The following SEM1 variants were observed in gnomAD, a reference collection of about 807,000 sequenced individuals.
SEM1 encodes the protein SEM1 26S proteasome subunit, also known as 26S proteasome complex subunit SEM1.
SEM1 carries 3 observed loss-of-function variants against 12.7 expected under a neutral mutation model. The observed-to-expected ratio is 0.24, with a 90% CI of 0.11 to 0.61. SEM1 has a LOEUF of 0.61. Ranked by LOEUF, SEM1 falls within the 20% of genes least tolerant of loss-of-function variation. The probability of loss-of-function intolerance (pLI) is 0.88; values close to 1 mark genes in which losing one functional copy is unlikely to be tolerated. For synonymous variants in SEM1, 30 were observed against 27.8 expected (o/e 1.08, Z -0.25); for missense variants, 59 against 81.3 (o/e 0.73, Z 1.06).
At chr7:96,514,460 A>T (rs986499257) in intron 2 of SEM1, among the ~76,000 whole-genome samples, 3 of 152,140 alleles carry the variant, frequency 2.0e-5, no homozygotes, top group Non-Finnish European at 4.4e-5. Flanking sequence ...TACAGATGGG[A>T]AAGAAGAAAT....
chr7:96,533,945 T>C (rs2115735451), intron 2 of SEM1, among the ~76,000 whole-genome samples: 1 of 152,102 alleles, frequency 6.6e-6, no homozygotes, highest in African/African-American at 2.4e-5. Context: ...GGTGAAGCAG[T>C]AAAATAATAT....
In SEM1 at chr7:96,574,778, C is replaced by T. The variant is rs1806152951; in HGVS notation, c.171-68080G>A. Among the ~76,000 whole-genome samples, 4 of 152,158 alleles carry T rather than the reference C, an allele frequency of 2.6e-5. No individual in the cohort carries two copies. The South Asian group carries it at 8.3e-4, about 32-fold the overall frequency. ...CAGCTATTGATATTTATGTATGCTT[C>T]ATGAAGTTCTCGTGCTGTGTTTTGC... is the stretch of plus-strand genomic sequence containing the variant. On this transcript the variant is annotated intron_variant and NMD_transcript_variant, in intron 2 of 3. Transcript: ENST00000466986.
rs539736546 is a variant in SEM1 at position 96,558,647 on chromosome 7, T to C, written c.171-51949A>G. ...GGGAGTTCACAAGGCAGAGAATAAA[T>C]ATGAAGTGAAAAGAGGGTAGAAACA... On this transcript the variant is annotated intron_variant and NMD_transcript_variant, in intron 2 of 3. Transcript: ENST00000466986. Among the ~76,000 whole-genome samples, 14 of 152,118 alleles carry C rather than the reference T, an allele frequency of 9.2e-5. 1 individual carries two copies. The South Asian group carries it at 2.7e-3, about 29-fold the overall frequency.
chr7:96,522,732 C>CCCT (rs566118443), intron 2 of SEM1, among the ~76,000 whole-genome samples: 57 of 129,574 alleles, frequency 4.4e-4, no homozygotes, highest in African/African-American at 1.6e-3. Context: ...ACCCCCCCCC[C>CCCT]AAAAAAAAAT....
chr7:96,598,441 G>A (rs779993412), intron 2 of SEM1, among the ~76,000 whole-genome samples: 4 of 151,272 alleles, frequency 2.6e-5, no homozygotes, highest in Non-Finnish European at 4.4e-5. Flanking sequence ...GCCCTACATG[G>A]CTTTGTCTCT....
chr7:96,626,950 C>A (rs148304356), intron 2 of SEM1, among the ~76,000 whole-genome samples: 150 of 152,122 alleles, frequency 9.9e-4, no homozygotes, highest in African/African-American at 3.3e-3. Flanking sequence ...TTTATTACAG[C>A]TTTGAATTCA....
chr7:96,582,793 A>C (rs58314581), intron 2 of SEM1, among the ~76,000 whole-genome samples: 13 of 145,230 alleles, frequency 9.0e-5, no homozygotes, highest in African/African-American at 3.3e-4. Flanking sequence ...ATGGTAGTTT[A>C]TATTTCTGTG....
chr7:96,551,663 C>T (rs1433959120), intron 2 of SEM1, among the ~76,000 whole-genome samples: 1 of 144,706 alleles, frequency 6.9e-6, no homozygotes, highest in Admixed American at 7.2e-5. Context: ...CAAGATAGCA[C>T]CACTACACTC....
At position 96,536,657 on chromosome 7, in the gene SEM1, A is replaced by C. The variant is rs184782636; in HGVS notation, c.171-29959T>G. Among the ~76,000 whole-genome samples the C allele has an allele frequency of 2.1e-3, 315 of 151,938 alleles. 8 individuals carry two copies. The highest frequency in any genetic ancestry group is 0.02 in the Admixed American group (311 of 15,200). ...TTCTTAGAGAACTGAATAATTTTTC[A>C]TGATGTAATGCTCCTCTTTGTCCCT... On this transcript the variant is annotated intron_variant and NMD_transcript_variant, in intron 2 of 3. Transcript: ENST00000466986.
intron 2 of SEM1, among the ~76,000 whole-genome samples, chr7:96,582,572 G>A (rs1411073379): frequency 1.3e-5 from 2 of 152,068 alleles, no homozygotes; most frequent in Non-Finnish European, 2.9e-5. Context: ...TGTACCTCTG[G>A]TAGAATTCGG....
At chr7:96,709,428 G>A (rs565526363) in intron 1 of SEM1, among the ~76,000 whole-genome samples, 2 of 152,292 alleles carry the variant, frequency 1.3e-5, no homozygotes, top group Non-Finnish European at 2.9e-5. Flanking sequence ...CACAGACGCG[G>A]GGCTATGGGT....
intron 2 of SEM1, chr7:96,622,844 C>T: frequency 1.9e-6 from 1 of 531,020 alleles, no homozygotes. Flanking sequence ...TAAATACAGA[C>T]ATTTCAAAAG....
intron 2 of SEM1, among the ~76,000 whole-genome samples, chr7:96,535,330 A>G (rs1164659013): frequency 6.6e-6 from 1 of 151,924 alleles, no homozygotes; most frequent in African/African-American, 2.4e-5. Flanking sequence ...TCCTTAAGGA[A>G]AAGACATATG....
chr7:96,487,926 C>A (rs2117208292), intron 1 of SEM1, among the ~76,000 whole-genome samples: 1 of 150,230 alleles, frequency 6.7e-6, no homozygotes, highest in East Asian at 1.9e-4. Context: ...CCAGTTGGGG[C>A]AACTCTGTAA....
chr7:96,706,606 A>C (rs1253009026), intron 1 of SEM1, among the ~76,000 whole-genome samples: 1 of 150,410 alleles, frequency 6.6e-6, no homozygotes, highest in South Asian at 2.1e-4. Flanking sequence ...GAGAGAGAGA[A>C]GAAACAATAA....
At chr7:96,619,694 G>A (rs568102488), downstream of SEM1, among the ~76,000 whole-genome samples, 20 of 151,978 alleles carry the variant, frequency 1.3e-4, no homozygotes, top group Admixed American at 8.5e-4. Flanking sequence ...AGCAACCACC[G>A]GGACCCAAGC....
chr7:96,623,705 T>C (rs910618502), intron 2 of SEM1, among the ~76,000 whole-genome samples: 7 of 151,900 alleles, frequency 4.6e-5, no homozygotes, highest in African/African-American at 1.7e-4. Flanking sequence ...GCATACTCAA[T>C]CATTGAAAGG....
intron 2 of SEM1, among the ~76,000 whole-genome samples, chr7:96,612,119 G>A (rs909969505): frequency 3.3e-5 from 5 of 152,098 alleles, no homozygotes; most frequent in African/African-American, 9.7e-5. Context: ...TTGAGTAGGC[G>A]CTTCACAGTT....
intron 2 of SEM1, among the ~76,000 whole-genome samples, chr7:96,532,978 T>C (rs976932062): frequency 2.6e-5 from 4 of 152,078 alleles, no homozygotes; most frequent in African/African-American, 4.8e-5. Flanking sequence ...TACAGATTGG[T>C]ATCAGTACTT....
Sources: allele counts gnomAD v4.1 joint callset (sites outside exome capture counted in the v4.1 genomes callset), GRCh38; gene constraint gnomAD v4.1.1; transcripts MANE v1.5; gene names NCBI Gene and HGNC (gene_info 2026-07-23, HGNC 2026-07-21).